SUGCT: variants seen among roughly 807,000 people sequenced by gnomAD.
SUGCT encodes succinyl-CoA:glutarate-CoA transferase, also known as succinyl-CoA:glutarate CoA-transferase.
A neutral mutation model predicts 55.0 loss-of-function variants in SUGCT; 41 were observed. That is an observed-to-expected ratio of 0.74 (90% CI 0.58 to 0.97). The LOEUF (loss-of-function observed/expected upper bound fraction) is 0.97, where lower values mean the gene tolerates loss of function less well. Ranked by LOEUF, SUGCT falls within the 50% of genes least tolerant of loss-of-function variation. SUGCT has a pLI of 0.00. For synonymous variants in SUGCT, 187 were observed against 200.4 expected, an observed-to-expected ratio of 0.93 and a Z score of 0.56; for missense variants, 568 against 547.8, an observed-to-expected ratio of 1.04 and a Z score of -0.37.
At chr7:40,199,269 T>C (rs1478980427) in intron 6 of SUGCT, among the ~76,000 whole-genome samples, 3 of 152,110 alleles carry the variant, frequency 2.0e-5, no homozygotes, top group Non-Finnish European at 4.4e-5. Flanking sequence ...GTGGTTGAAA[T>C]TGCCTCAGTC....
In SUGCT at chr7:40,495,879, A is replaced by AT. The variant is rs200380930; in HGVS notation, c.987-397dup. Among the ~76,000 whole-genome samples, 723 of 151,982 alleles carry AT rather than the reference A, an allele frequency of 4.8e-3. 7 individuals are homozygous for AT. The highest frequency in any genetic ancestry group is 0.016 in the African/African-American group (668 of 41,444). On this transcript the variant is annotated intron_variant, in intron 11 of 13. Transcript: ENST00000335693. Reference sequence around the variant, plus strand: ...GCTTTCTTAAAACAGCTATATTAGTATTTTTTTTGTTTTGAAGAATAATAT... The same window carrying AT: ...GCTTTCTTAAAACAGCTATATTAGTATTTTTTTTTGTTTTGAAGAATAATAT...
chr7:40,377,171 T>TTCCTTCCTTCC (rs1784605253), intron 9 of SUGCT, among the ~76,000 whole-genome samples: 1 of 16,468 alleles, frequency 6.1e-5, no homozygotes, highest in African/African-American at 9.5e-5. Context: ...TCTTTCTTTC[T>TTCCTTCCTTCC]TTCTTTCTTT....
In SUGCT at chr7:40,810,337, C is replaced by T. The variant is rs139797450; in HGVS notation, c.1154-49979C>T. On this transcript the variant is annotated intron_variant, in intron 13 of 13. Transcript: ENST00000335693. ...CTCTGGTTTTAGGTCTTTGAGAAAT[C>T]TCCAAACTGCTTTCCACAGTGGCTG... is the stretch of plus-strand genomic sequence containing the variant. Among the ~76,000 whole-genome samples the T allele has an allele frequency of 8.1e-3, 1,241 of 152,288 alleles. 21 individuals are homozygous for T. Among genetic ancestry groups the T allele is most frequent in the African/African-American group, 0.028 (1,154 of 41,558 alleles).
intron 9 of SUGCT, among the ~76,000 whole-genome samples, chr7:40,336,910 A>C (rs979133512): frequency 6.6e-6 from 1 of 152,166 alleles, no homozygotes; most frequent in South Asian, 2.1e-4. Context: ...CCCTCTACAC[A>C]CAGCTTTAAA....
intron 12 of SUGCT, among the ~76,000 whole-genome samples, chr7:40,729,360 A>G (rs1036818780): frequency 3.3e-5 from 5 of 152,222 alleles, no homozygotes; most frequent in African/African-American, 1.2e-4. Flanking sequence ...GGAAACCAAC[A>G]TCATAAATTC....
At chr7:40,820,323 G>C (rs1454072546) in intron 13 of SUGCT, among the ~76,000 whole-genome samples, 1 of 152,042 alleles carries the variant, frequency 6.6e-6, no homozygotes, top group East Asian at 1.9e-4. Flanking sequence ...TAGCTTGATG[G>C]GGATGGCACT....
At chr7:40,983,257 ACCC>A in the SUGCT span, among the ~76,000 whole-genome samples, 1 of 151,760 alleles carries the variant, frequency 6.6e-6, no homozygotes, top group Non-Finnish European at 1.5e-5. Flanking sequence ...AGGCCTTCTC[ACCC>A]CATGCTTGTT....
At position 40,279,029 on chromosome 7, in the gene SUGCT, G is replaced by GT. The variant is rs1554300693; in HGVS notation, c.720+4374dup. On this transcript the variant is annotated intron_variant, in intron 8 of 13. Coordinates refer to ENST00000335693, the MANE Select transcript of SUGCT (RefSeq NM_001193313.2). ...TTTTTTTTTTTTTAGAGATGGGGGG[G>GT]TCTGACTGTGTTGTCCAGGCTAGTC... Among the ~76,000 whole-genome samples, 6 of 149,948 alleles carry GT rather than the reference G, an allele frequency of 4.0e-5. No individual in the cohort carries two copies. In the South Asian group the frequency reaches 1.3e-3, roughly 32 times the overall value.
chr7:40,428,210 A>T (rs1177120852), intron 9 of SUGCT, among the ~76,000 whole-genome samples: 1 of 152,052 alleles, frequency 6.6e-6, no homozygotes, highest in South Asian at 2.1e-4. Flanking sequence ...CTTTTAGTTG[A>T]CATTTGCATG....
intron 1 of SUGCT, among the ~76,000 whole-genome samples, chr7:40,172,889 C>T (rs1784743084): frequency 6.6e-6 from 1 of 152,124 alleles, no homozygotes; most frequent in African/African-American, 2.4e-5. Flanking sequence ...TTTTAACTGG[C>T]CAACAGGTGC....
the SUGCT span, among the ~76,000 whole-genome samples, chr7:40,898,648 G>A: frequency 5.3e-5 from 8 of 151,646 alleles, 1 homozygote; most frequent in Admixed American, 2.0e-4. Context: ...GGCGTGAACC[G>A]TGGAGGCGGA....
chr7:40,827,461 G>A (rs770247686), intron 13 of SUGCT, among the ~76,000 whole-genome samples: 5 of 152,136 alleles, frequency 3.3e-5, no homozygotes, highest in Non-Finnish European at 7.4e-5. Context: ...GAGCTGCTGC[G>A]TTTTAGAGGC....
At chr7:40,888,003 T>G in the SUGCT span, among the ~76,000 whole-genome samples, 3 of 152,174 alleles carry the variant, frequency 2.0e-5, no homozygotes, top group African/African-American at 7.2e-5. Flanking sequence ...AGCATCTTTA[T>G]TTTATCTCTG....
intron 10 of SUGCT, among the ~76,000 whole-genome samples, chr7:40,452,964 T>C (rs151293786): frequency 1.2e-4 from 19 of 152,296 alleles, no homozygotes; most frequent in African/African-American, 4.6e-4. Flanking sequence ...TAACTGGCAG[T>C]CAACTTAACC....
downstream of SUGCT, among the ~76,000 whole-genome samples, chr7:40,864,052 G>T (rs775883434): frequency 1.3e-5 from 2 of 152,136 alleles, no homozygotes; most frequent in Non-Finnish European, 2.9e-5. Flanking sequence ...TACTATCCCA[G>T]TATAGCAAAA....
chr7:40,540,489 T>C (rs1181059402), intron 12 of SUGCT, among the ~76,000 whole-genome samples: 1 of 152,256 alleles, frequency 6.6e-6, no homozygotes, highest in East Asian at 1.9e-4. Context: ...GCCATGATGG[T>C]AGAGTTAATT....
chr7:40,876,781 G>A, the SUGCT span, among the ~76,000 whole-genome samples: 1 of 152,096 alleles, frequency 6.6e-6, no homozygotes, highest in Non-Finnish European at 1.5e-5. Context: ...CATGCTGAAT[G>A]GATTGTATTT....
the SUGCT span, among the ~76,000 whole-genome samples, chr7:40,982,387 T>TTTAGGG: frequency 2.0e-5 from 3 of 152,104 alleles, no homozygotes; most frequent in Admixed American, 6.5e-5. Flanking sequence ...TTACTGGACT[T>TTTAGGG]TTAGGGTTAG....
intron 5 of SUGCT, among the ~76,000 whole-genome samples, chr7:40,193,748 GC>G (rs1000126690): frequency 2.0e-5 from 3 of 151,298 alleles, no homozygotes; most frequent in Admixed American, 1.3e-4. Flanking sequence ...ACAGGCATGT[GC>G]CACCACACCT....
Sources: gnomAD v4.1 joint callset for allele counts (sites outside exome capture counted in the v4.1 genomes callset) on GRCh38, gnomAD v4.1.1 for gene constraint, MANE v1.5 for transcripts, NCBI Gene and HGNC (gene_info 2026-07-23, HGNC 2026-07-21) for gene names.